ACKR3: variants seen among roughly 807,000 people sequenced by gnomAD.
ACKR3 encodes the protein atypical chemokine receptor 3, also known as C-X-C chemokine receptor type 7.
Under a neutral mutation model 22.4 loss-of-function variants are expected in ACKR3, and 6 were observed. The ratio of observed to expected loss-of-function variants is 0.27; its 90% CI spans 0.15 to 0.53. The LOEUF (loss-of-function observed/expected upper bound fraction) is 0.53. Among genes scored for constraint, ACKR3 ranks in the 20% least tolerant of loss-of-function variants. The pLI is 0.96. For missense variants in ACKR3, 396 were observed against 475.2 expected, an observed-to-expected ratio of 0.83 and a Z score of 1.55; for synonymous variants, 209 against 205.2, an observed-to-expected ratio of 1.02 and a Z score of -0.16.
the ACKR3 span, among the ~76,000 whole-genome samples, chr2:236,544,275 A>C: frequency 6.6e-6 from 1 of 151,924 alleles, no homozygotes; most frequent in Non-Finnish European, 1.5e-5. The surrounding 1 kb of genome is among the most constrained non-coding windows in gnomAD (Gnocchi z 5.0). Flanking sequence ...GGCGTGAGCC[A>C]CCGCGCCCGG....
At chr2:236,573,960 C>A (rs1158586693) in intron 1 of ACKR3, among the ~76,000 whole-genome samples, 1 of 152,214 alleles carries the variant, frequency 6.6e-6, no homozygotes, top group East Asian at 1.9e-4. Flanking sequence ...CTTCCTGGAA[C>A]ATCCTTGATC....
chr2:236,566,830 T>A (rs1208379889), upstream of ACKR3, among the ~76,000 whole-genome samples: 1 of 151,004 alleles, frequency 6.6e-6, no homozygotes, highest in Non-Finnish European at 1.5e-5. Flanking sequence ...CGGGTCGTCA[T>A]CTCTTTCCTC....
intron 1 of ACKR3, among the ~76,000 whole-genome samples, chr2:236,579,616 C>T (rs1691479666): frequency 6.6e-6 from 1 of 152,178 alleles, no homozygotes; most frequent in East Asian, 1.9e-4. Context: ...TCCTGAAATG[C>T]AGCAGGTGGT....
the ACKR3 span, among the ~76,000 whole-genome samples, chr2:236,558,364 T>C: frequency 6.6e-6 from 1 of 152,174 alleles, no homozygotes; most frequent in Non-Finnish European, 1.5e-5. Flanking sequence ...GCCATGGCAT[T>C]GGTAAACTGT....
At chr2:236,547,712 A>G in the ACKR3 span, among the ~76,000 whole-genome samples, 2 of 152,224 alleles carry the variant, frequency 1.3e-5, no homozygotes, top group African/African-American at 4.8e-5. Context: ...TAGAGATATG[A>G]ATCCACTGAT....
the ACKR3 span, among the ~76,000 whole-genome samples, chr2:236,550,462 G>A: frequency 6.6e-6 from 1 of 152,198 alleles, no homozygotes; most frequent in Non-Finnish European, 1.5e-5. The surrounding 1 kb of genome is among the most constrained non-coding windows in gnomAD (Gnocchi z 4.6). Flanking sequence ...AATACATGCT[G>A]ATTGATGGCA....
chr2:236,578,134 T>C (rs1431313242), intron 1 of ACKR3, among the ~76,000 whole-genome samples: 2 of 152,194 alleles, frequency 1.3e-5, no homozygotes, highest in African/African-American at 4.8e-5. Context: ...GAGTGGAACG[T>C]CAGCTCTGGG....
the ACKR3 span, among the ~76,000 whole-genome samples, chr2:236,560,316 CTTTT>C: frequency 5.6e-4 from 67 of 118,908 alleles, no homozygotes; most frequent in Middle Eastern, 4.5e-3. Flanking sequence ...CACTTGTTGC[CTTTT>C]TTTTTTTTTT....
the ACKR3 span, among the ~76,000 whole-genome samples, chr2:236,553,215 C>T: frequency 1.3e-5 from 2 of 152,134 alleles, no homozygotes; most frequent in Non-Finnish European, 2.9e-5. Context: ...CTGCTGAGGG[C>T]CCCATGGGTG....
chr2:236,539,156 T>C, the ACKR3 span, among the ~76,000 whole-genome samples: 2 of 152,194 alleles, frequency 1.3e-5, no homozygotes, highest in Non-Finnish European at 1.5e-5. Context: ...TACAGTTTAT[T>C]ATCACGTCTG....
Position 236,581,280 on chromosome 2 carries a change from T to C in ACKR3, c.815T>C (p.Val272Ala). 1 of 1,614,082 alleles carries C rather than the reference T, an allele frequency of 6.2e-7. No individual in the cohort carries two copies. Among genetic ancestry groups the C allele is most frequent in the South Asian group, 1.1e-5 (1 of 91,088 alleles). The part of the protein sequence containing the change: ...LVCWLPYHVA[V>A]LLDIFSILHY... ...TGCTGGCTGCCCTACCACGTGGCGG[T>C]GCTGCTGGACATCTTCTCCATCCTG... Residue 272 changes from valine (V) to alanine (A), a missense_variant, in exon 2 of 2, where the codon GTG (valine) becomes GCG (alanine). Coordinates refer to ENST00000272928, the MANE Select transcript of ACKR3 (RefSeq NM_020311.3). This position sits in a 1 kb window ranked among gnomAD's most constrained non-coding sequence, Gnocchi z 4.4.
At chr2:236,542,118 A>G in the ACKR3 span, among the ~76,000 whole-genome samples, 1 of 152,228 alleles carries the variant, frequency 6.6e-6, no homozygotes. Flanking sequence ...GTCTGTCTAC[A>G]GCAGGGAGAT....
the ACKR3 span, among the ~76,000 whole-genome samples, chr2:236,551,147 G>A: frequency 2.0e-5 from 3 of 152,204 alleles, no homozygotes; most frequent in Non-Finnish European, 2.9e-5. Flanking sequence ...GCAGGGCTGG[G>A]AGGAACCCGG....
At chr2:236,551,156 G>A in the ACKR3 span, among the ~76,000 whole-genome samples, 2 of 152,190 alleles carry the variant, frequency 1.3e-5, no homozygotes, top group African/African-American at 4.8e-5. Context: ...GGAGGAACCC[G>A]GCGAGCACCA....
chr2:236,573,552 C>T (rs748053099), intron 1 of ACKR3, among the ~76,000 whole-genome samples: 1 of 152,260 alleles, frequency 6.6e-6, no homozygotes, highest in Non-Finnish European at 1.5e-5. Context: ...GGACACAGGT[C>T]TCACACTGCA....
chr2:236,548,625 G>A, the ACKR3 span, among the ~76,000 whole-genome samples: 3 of 152,192 alleles, frequency 2.0e-5, no homozygotes, highest in East Asian at 5.8e-4. The surrounding 1 kb of genome is among the most constrained non-coding windows in gnomAD (Gnocchi z 4.3). Flanking sequence ...TTCAGGAAGA[G>A]GACAGCTGAG....
chr2:236,546,416 T>C, the ACKR3 span, among the ~76,000 whole-genome samples: 6 of 152,226 alleles, frequency 3.9e-5, no homozygotes, highest in African/African-American at 1.4e-4. This position sits in a 1 kb window ranked among gnomAD's most constrained non-coding sequence, Gnocchi z 4.9. Flanking sequence ...ATTGTGATTT[T>C]TACTACATAG....
the ACKR3 span, among the ~76,000 whole-genome samples, chr2:236,557,308 A>G: frequency 1.3e-5 from 2 of 151,454 alleles, no homozygotes; most frequent in African/African-American, 4.9e-5. Context: ...CTTGGCTTTT[A>G]CCACTGAGAG....
the ACKR3 span, among the ~76,000 whole-genome samples, chr2:236,552,836 C>G: frequency 6.6e-6 from 1 of 152,176 alleles, no homozygotes; most frequent in Admixed American, 6.5e-5. Context: ...GGAGATATCA[C>G]GCTGGCCACT....
Sources: gnomAD v4.1 joint callset for allele counts (sites outside exome capture counted in the v4.1 genomes callset) on GRCh38, gnomAD v4.1.1 for gene constraint, Gnocchi (gnomAD v3.1) non-coding constraint, MANE v1.5 for transcripts, NCBI Gene and HGNC (gene_info 2026-07-23, HGNC 2026-07-21) for gene names.